The following KIF13B variants were observed in gnomAD, a reference collection of about 807,000 sequenced individuals.
KIF13B encodes the protein kinesin-like protein KIF13B.
A neutral mutation model predicts 222.0 loss-of-function variants in KIF13B; 127 were observed. That is an observed-to-expected ratio of 0.57 (90% CI 0.50 to 0.66). The LOEUF is 0.66. Among genes scored for constraint, KIF13B ranks in the 30% least tolerant of loss-of-function variants. KIF13B has a pLI of 0.00. For synonymous variants in KIF13B, 976 were observed against 919.0 expected, an observed-to-expected ratio of 1.06 and a Z score of -1.12; for missense variants, 2,173 against 2,379.0, an observed-to-expected ratio of 0.91 and a Z score of 1.80.
At chr8:29,200,212 T>C (rs969830915) in intron 2 of KIF13B, among the ~76,000 whole-genome samples, 17 of 152,314 alleles carry the variant, frequency 1.1e-4, no homozygotes, top group African/African-American at 3.4e-4. Context: ...CCCAAAGATG[T>C]AATTACAACC....
chr8:29,254,907 G>A (rs1438280308), intron 1 of KIF13B, among the ~76,000 whole-genome samples: 1 of 152,176 alleles, frequency 6.6e-6, no homozygotes. Flanking sequence ...ATCAATTGAT[G>A]AATGAATACA....
chr8:29,221,097 C>CTTTTTTTTTT (rs60915605), intron 2 of KIF13B, among the ~76,000 whole-genome samples: 1 of 112,760 alleles, frequency 8.9e-6, no homozygotes, highest in Non-Finnish European at 1.7e-5. Context: ...GAGCTGTGTT[C>CTTTTTTTTTT]TTTTTTTTTT....
chr8:29,177,423 T>C, intron 9 of KIF13B, 43 bp downstream of exon 9: 1 of 1,243,298 alleles, frequency 8.0e-7, no homozygotes. Flanking sequence ...CTATTGGCTA[T>C]TAAATAAATA....
At chr8:29,233,835 C>CA (rs2067589813) in intron 2 of KIF13B, among the ~76,000 whole-genome samples, 1 of 152,118 alleles carries the variant, frequency 6.6e-6, no homozygotes, top group African/African-American at 2.4e-5. Flanking sequence ...GTGTAGGTGA[C>CA]AGAGTGAGAC....
chr8:29,156,679 ATT>A (rs570502495), intron 13 of KIF13B, among the ~76,000 whole-genome samples: 3 of 144,892 alleles, frequency 2.1e-5, no homozygotes, highest in African/African-American at 5.1e-5. Context: ...TGACCAACTA[ATT>A]TTTTTTTTTT....
upstream of KIF13B, chr8:29,263,165 C>A: frequency 1.3e-6 from 1 of 766,906 alleles, no homozygotes; most frequent in Non-Finnish European, 2.0e-6. Flanking sequence ...GGGGCCGGCG[C>A]GAGCTCCGGG....
chr8:29,078,152 G>A (rs1438113863), intron 37 of KIF13B, among the ~76,000 whole-genome samples: 4 of 37,160 alleles, frequency 1.1e-4, no homozygotes, highest in Non-Finnish European at 2.6e-4. Flanking sequence ...AAAATTAGCA[G>A]GGCATGGTGG....
intron 2 of KIF13B, among the ~76,000 whole-genome samples, chr8:29,224,150 C>T (rs1276766600): frequency 3.5e-5 from 5 of 142,310 alleles, no homozygotes; most frequent in African/African-American, 1.3e-4. Flanking sequence ...CGCCACCACG[C>T]CCGGCTAATT....
chr8:29,257,072 G>A (rs139476436), intron 1 of KIF13B, among the ~76,000 whole-genome samples: 11 of 152,266 alleles, frequency 7.2e-5, no homozygotes, highest in African/African-American at 2.6e-4. Flanking sequence ...CCTTTTCAAA[G>A]TCTGGTTTGA....
intron 2 of KIF13B, among the ~76,000 whole-genome samples, chr8:29,224,405 T>A (rs1324130567): frequency 6.6e-6 from 1 of 152,210 alleles, no homozygotes; most frequent in African/African-American, 2.4e-5. Context: ...GTGGCTTATT[T>A]ATTATTAACT....
intron 2 of KIF13B, among the ~76,000 whole-genome samples, chr8:29,210,986 T>C (rs1041126059): frequency 6.6e-6 from 1 of 151,844 alleles, no homozygotes; most frequent in Non-Finnish European, 1.5e-5. Flanking sequence ...CCAGAGGGAG[T>C]GGGGGCTAAA....
At chr8:29,236,085 C>T (rs1424461883) in intron 2 of KIF13B, among the ~76,000 whole-genome samples, 1 of 152,136 alleles carries the variant, frequency 6.6e-6, no homozygotes, top group Non-Finnish European at 1.5e-5. Flanking sequence ...CCTCAAAGTG[C>T]AGACCACATC....
chr8:29,214,649 C>A (rs1452080620), intron 2 of KIF13B, among the ~76,000 whole-genome samples: 1 of 152,212 alleles, frequency 6.6e-6, no homozygotes, highest in African/African-American at 2.4e-5. Flanking sequence ...AAAAAGTCTA[C>A]TGTAGTAAAT....
intron 20 of KIF13B, 43 bp from the exon 21 acceptor site, chr8:29,140,234 T>G: frequency 6.2e-7 from 1 of 1,610,632 alleles, no homozygotes; most frequent in Non-Finnish European, 8.5e-7. Context: ...CCAGATTTGG[T>G]TCGTGCTCCC....
At chr8:29,204,586 G>C (rs542853221) in intron 2 of KIF13B, among the ~76,000 whole-genome samples, 4 of 152,288 alleles carry the variant, frequency 2.6e-5, no homozygotes, top group African/African-American at 7.2e-5. Context: ...TCTGGCCAAA[G>C]AATACTGACT....
intron 2 of KIF13B, among the ~76,000 whole-genome samples, chr8:29,199,574 CAAAAAAAAAAAAA>C (rs10579222): frequency 3.2e-4 from 38 of 119,446 alleles, no homozygotes; most frequent in African/African-American, 1.1e-3. Context: ...TTCCAAAATC[CAAAAAAAAAAAAA>C]AAAAAAAAGA....
At chr8:29,257,275 G>A (rs1483937715) in intron 1 of KIF13B, among the ~76,000 whole-genome samples, 2 of 151,878 alleles carry the variant, frequency 1.3e-5, no homozygotes, top group Non-Finnish European at 2.9e-5. Flanking sequence ...TGCATGGAGT[G>A]GACCAGTTAG....
chr8:29,204,919 G>A (rs570972311), intron 2 of KIF13B, among the ~76,000 whole-genome samples: 391 of 152,290 alleles, frequency 2.6e-3, no homozygotes, highest in Non-Finnish European at 4.4e-3. Flanking sequence ...ATTTCTGCTT[G>A]ATTAGATTGA....
At position 29,123,350 on chromosome 8, in the gene KIF13B, A is replaced by T; in HGVS notation, c.3479+16T>A. 1 of 1,613,278 alleles carries T rather than the reference A, an allele frequency of 6.2e-7. No homozygotes were observed. Among genetic ancestry groups the T allele is most frequent in the African/African-American group, 1.3e-5 (1 of 75,048 alleles). On this transcript the variant is annotated intron_variant, in intron 28 of 39. Transcript: ENST00000524189. Reference sequence around the variant, plus strand: ...TGAGCGTTCAGACCTCACAAGACGCACCACAGGGTTCATACCATTCTGCTG... The same window carrying T: ...TGAGCGTTCAGACCTCACAAGACGCTCCACAGGGTTCATACCATTCTGCTG...
Sources: gnomAD v4.1 joint callset for allele counts (sites outside exome capture counted in the v4.1 genomes callset) on GRCh38, gnomAD v4.1.1 for gene constraint, MANE v1.5 for transcripts, NCBI Gene and HGNC (gene_info 2026-07-23, HGNC 2026-07-21) for gene names.